CPSF2: variants seen among roughly 807,000 people sequenced by gnomAD.
The protein encoded by CPSF2 is cleavage and polyadenylation specific factor 2, also known as cleavage and polyadenylation specificity factor subunit 2.
Under a neutral mutation model 84.2 loss-of-function variants are expected in CPSF2, and 51 were observed. The ratio of observed to expected loss-of-function variants is 0.61; its 90% confidence interval spans 0.48 to 0.77. The LOEUF is 0.77. CPSF2 is among the 30% of genes least tolerant of loss of function. The pLI is 0.00. For synonymous variants in CPSF2, 286 were observed against 311.9 expected, an observed-to-expected ratio of 0.92 and a Z score of 0.87; for missense variants, 641 against 929.4, an observed-to-expected ratio of 0.69 and a Z score of 4.03.
rs2069512084 is a variant in CPSF2 at position 92,171,116 on chromosome 14, G to A, written c.*9372G>A. 6.6e-6 allele frequency: 1 copy of A among 151,984 alleles called. No individual in the cohort carries two copies. Among genetic ancestry groups the A allele is most frequent in the Non-Finnish European group, 1.5e-5 (1 of 67,990 alleles). The allele number at this position is 151,984 out of a possible 1,614,324, so 9.4% of individuals were successfully genotyped here. Reference sequence around the variant, plus strand: ...TTGTCTGGATCAGTTATTGCCAAATGGTAGTTTTCTTTTCTTTTCTTTTCT... The same window carrying A: ...TTGTCTGGATCAGTTATTGCCAAATAGTAGTTTTCTTTTCTTTTCTTTTCT... On this transcript the variant is annotated 3_prime_UTR_variant, in exon 16 of 16. Transcript: ENST00000298875.
intron 3 of CPSF2, among the ~76,000 whole-genome samples, chr14:92,132,733 T>C (rs2068948535): frequency 6.6e-6 from 1 of 150,680 alleles, no homozygotes; most frequent in Non-Finnish European, 1.5e-5. Context: ...GATCGCACCA[T>C]TGCATTAGAG....
rs888697969 is a variant in CPSF2, at chr14:92,165,096, A to G, written c.*3352A>G. ...TTTCAGAGTGCATCACTGTTGTAAC[A>G]TGTATCAGTACCCTTTTTGTGACTG... On this transcript the variant is annotated 3_prime_UTR_variant, in exon 16 of 16. Transcript: ENST00000298875. 1.2e-4 allele frequency: 18 copies of G among 152,212 alleles called. No individual in the cohort carries two copies. The highest frequency in any genetic ancestry group is 4.1e-4 in the African/African-American group (17 of 41,458). The allele number at this position is 152,212 out of a possible 1,614,324, so 9.4% of individuals were successfully genotyped here. A position where few individuals can be genotyped will look rare whatever the true frequency, so the allele number is the denominator to read the frequency against.
chr14:92,126,826 T>C (rs978531607), intron 2 of CPSF2, among the ~76,000 whole-genome samples: 1 of 152,132 alleles, frequency 6.6e-6, no homozygotes, highest in African/African-American at 2.4e-5. Context: ...CAAGTCAATA[T>C]ATTTTAAATT....
chr14:92,167,020 T>TC lies in CPSF2; in HGVS notation c.*5276_*5277insC, dbSNP rs1041945709. The TC allele has an allele frequency of 6.7e-6, 1 of 150,354 alleles. No individual in the cohort carries two copies. 9.3% of individuals were successfully genotyped at this position (150,354 alleles called of 1,614,324 possible). Reference sequence around the variant, plus strand: ...TTATCGATTTCTTTTTTTTCTTTTTTTTTTTTTTTGAGATAGCATCTTGCT... The same window carrying TC: ...TTATCGATTTCTTTTTTTTCTTTTTTCTTTTTTTTTGAGATAGCATCTTGCT... On this transcript the variant is annotated 3_prime_UTR_variant, in exon 16 of 16. Transcript: ENST00000298875.
chr14:92,154,018 C>T (rs957453079), intron 9 of CPSF2: 2 of 164,264 alleles, frequency 1.2e-5, no homozygotes, highest in Non-Finnish European at 1.3e-5. Context: ...TAAATTATTC[C>T]TAGAGACAGA....
rs1029311210 is a variant in CPSF2 at position 92,164,844 on chromosome 14, A to G, written c.*3100A>G. ...AATTCATTGGTGTTAGTATATTTACAGAGTTGTACAACTATTACCACTATA... is the reference window on the plus strand; with the variant it reads ...AATTCATTGGTGTTAGTATATTTACGGAGTTGTACAACTATTACCACTATA... On this transcript the variant is annotated 3_prime_UTR_variant, in exon 16 of 16. Transcript: ENST00000298875. 12 of 152,324 alleles carry G rather than the reference A, an allele frequency of 7.9e-5. No homozygotes were observed. Among genetic ancestry groups the G allele is most frequent in the African/African-American group, 2.9e-4 (12 of 41,578 alleles). The allele number at this position is 152,324 out of a possible 1,614,324, so 9.4% of individuals were successfully genotyped here.
rs2069461998 is a variant in CPSF2 at position 92,167,312 on chromosome 14, T to C, written c.*5568T>C. Reference sequence around the variant, plus strand: ...CAGTCGTGAGCCACCATACTCAGCCTAAGATTCAGCTTACCAATTTCTGCA... The same window carrying C: ...CAGTCGTGAGCCACCATACTCAGCCCAAGATTCAGCTTACCAATTTCTGCA... On this transcript the variant is annotated 3_prime_UTR_variant, in exon 16 of 16. Transcript: ENST00000298875. 1.3e-5 allele frequency: 2 copies of C among 152,138 alleles called. No homozygotes were observed. Among genetic ancestry groups the C allele is most frequent in the Admixed American group, 6.6e-5 (1 of 15,256 alleles). 9.4% of individuals were successfully genotyped at this position (152,138 alleles called of 1,614,324 possible). A position where few individuals can be genotyped will look rare whatever the true frequency, so the allele number is the denominator to read the frequency against.
chr14:92,127,085 G>A (rs1005608548), intron 2 of CPSF2, among the ~76,000 whole-genome samples: 2 of 152,192 alleles, frequency 1.3e-5, no homozygotes, highest in Non-Finnish European at 1.5e-5. Context: ...CACTGTGGAG[G>A]CGCTGGAATG....
intron 9 of CPSF2, among the ~76,000 whole-genome samples, chr14:92,153,326 T>A (rs1388336671): frequency 6.6e-6 from 1 of 152,178 alleles, no homozygotes; most frequent in Non-Finnish European, 1.5e-5. Context: ...CATCCTTTTC[T>A]TAACTAATTT....
intron 9 of CPSF2, among the ~76,000 whole-genome samples, chr14:92,153,261 TTTC>T (rs1288588859): frequency 1.3e-5 from 2 of 152,124 alleles, no homozygotes; most frequent in Non-Finnish European, 2.9e-5. Flanking sequence ...GTTATTTGTC[TTTC>T]TTATTTTGTA....
rs1421878050 is a variant in CPSF2 at position 92,168,458 on chromosome 14, C to T, written c.*6714C>T. On this transcript the variant is annotated 3_prime_UTR_variant, in exon 16 of 16. Coordinates refer to ENST00000298875, the MANE Select transcript of CPSF2 (RefSeq NM_017437.3). The stretch of plus-strand genomic sequence containing the variant: ...GCTGGAAGTGAGGGTATCTTCTTGG[C>T]TTTTCCCTTTTCCTCCCCACCACTA... 1 of 152,116 alleles carries T rather than the reference C, an allele frequency of 6.6e-6. No individual in the cohort carries two copies. Among genetic ancestry groups the T allele is most frequent in the East Asian group, 1.9e-4 (1 of 5,192 alleles). The allele number at this position is 152,116 out of a possible 1,614,324, so 9.4% of individuals were successfully genotyped here.
At chr14:92,136,634 C>T (rs570116870) in intron 6 of CPSF2, among the ~76,000 whole-genome samples, 36 of 152,328 alleles carry the variant, frequency 2.4e-4, no homozygotes, top group African/African-American at 8.4e-4. Context: ...GAAGGCAGCT[C>T]CCTTTGCTCA....
chr14:92,150,081 G>T (rs545240884), intron 9 of CPSF2, among the ~76,000 whole-genome samples: 1 of 151,972 alleles, frequency 6.6e-6, no homozygotes, highest in South Asian at 2.1e-4. Flanking sequence ...TGAGTCGTGA[G>T]TTAAACTAGC....
rs1266124535 is a variant in CPSF2, at chr14:92,167,889, CA to C, written c.*6146del. ...AATTCAGTGATTGAGAGGTTAATTGCAGGTTTTTTTTTTTTTTTTTTCTGGT... is the reference window on the plus strand; with the variant it reads ...AATTCAGTGATTGAGAGGTTAATTGCGGTTTTTTTTTTTTTTTTTTCTGGT... On this transcript the variant is annotated 3_prime_UTR_variant, in exon 16 of 16. Transcript: ENST00000298875. The C allele has an allele frequency of 2.4e-5, 3 of 123,920 alleles. No individual in the cohort carries two copies. The highest frequency in any genetic ancestry group is 9.9e-5 in the African/African-American group (3 of 30,372). 7.7% of individuals were successfully genotyped at this position (123,920 alleles called of 1,614,324 possible).
intron 9 of CPSF2, among the ~76,000 whole-genome samples, chr14:92,146,595 A>G (rs1329871782): frequency 6.6e-6 from 1 of 152,230 alleles, no homozygotes; most frequent in Non-Finnish European, 1.5e-5. Flanking sequence ...TGTTAACTAT[A>G]TGTACATTGT....
Position 92,138,282 on chromosome 14 carries a change from T to A in CPSF2, c.596T>A (p.Ile199Asn). ...ATGCTAAGCAGGCCTTCCCTACTTATCACAGATTCATTCAATGCTACATAT... is the reference window on the plus strand; with the variant it reads ...ATGCTAAGCAGGCCTTCCCTACTTAACACAGATTCATTCAATGCTACATAT... ...LEMLSRPSLL[I>N]TDSFNATYVQ... Residue 199 changes from isoleucine (I) to asparagine (N), a missense_variant, in exon 7 of 16, where the codon ATC becomes AAC. Transcript: ENST00000298875. 1 of 1,609,086 alleles carries A rather than the reference T, an allele frequency of 6.2e-7. No individual in the cohort carries two copies. Among genetic ancestry groups the A allele is most frequent in the Non-Finnish European group, 8.5e-7 (1 of 1,178,148 alleles).
intron 13 of CPSF2, among the ~76,000 whole-genome samples, chr14:92,158,086 C>T (rs2069314987): frequency 6.6e-6 from 1 of 151,972 alleles, no homozygotes; most frequent in African/African-American, 2.4e-5. Flanking sequence ...GTACAGGATG[C>T]TATGAGAGTA....
At position 92,168,130 on chromosome 14, in the gene CPSF2, C is replaced by T. The variant is rs1398346896; in HGVS notation, c.*6386C>T. On this transcript the variant is annotated 3_prime_UTR_variant, in exon 16 of 16. Coordinates refer to ENST00000298875, the MANE Select transcript of CPSF2 (RefSeq NM_017437.3). ...AGGTGTGGTGACGGGTGCCTATAAT[C>T]CCAGCTACTTGGGAGGCTGAGGCAG... 1 of 151,568 alleles carries T rather than the reference C, an allele frequency of 6.6e-6. No individual in the cohort carries two copies. Among genetic ancestry groups the T allele is most frequent in the African/African-American group, 2.4e-5 (1 of 41,212 alleles). 9.4% of individuals were successfully genotyped at this position (151,568 alleles called of 1,614,324 possible).
At chr14:92,137,065 A>C (rs2141459560) in intron 6 of CPSF2, among the ~76,000 whole-genome samples, 1 of 152,148 alleles carries the variant, frequency 6.6e-6, no homozygotes, top group East Asian at 1.9e-4. Flanking sequence ...CAAGTTGCCC[A>C]AAAACTTACA....
Sources: gnomAD v4.1 joint callset for allele counts (sites outside exome capture counted in the v4.1 genomes callset) on GRCh38, gnomAD v4.1.1 for gene constraint, MANE v1.5 for transcripts, NCBI Gene and HGNC (gene_info 2026-07-23, HGNC 2026-07-21) for gene names.